The following HMGN5 variants were observed in gnomAD, a reference collection of about 807,000 sequenced individuals.
The protein encoded by HMGN5 is high mobility group nucleosome binding domain 5, also known as high mobility group nucleosome-binding domain-containing protein 5.
HMGN5 carries 4 observed loss-of-function variants against 9.5 expected under a neutral mutation model. The ratio of observed to expected loss-of-function variants is 0.42; its 90% CI spans 0.21 to 0.96. HMGN5 has a LOEUF of 0.96. HMGN5 is among the 40% of genes least tolerant of loss of function. The probability of loss-of-function intolerance (pLI) is 0.30; values close to 1 mark genes in which losing one functional copy is unlikely to be tolerated. For synonymous variants in HMGN5, 55 were observed against 57.1 expected (o/e 0.96, Z 0.16); for missense variants, 192 against 187.5 (o/e 1.02, Z -0.14).
At chrX:81,192,159 C>T (rs373696259) in intron 1 of HMGN5, among the ~76,000 whole-genome samples, 1 of 111,186 alleles carries the variant, frequency 9.0e-6, no homozygotes, top group African/African-American at 3.3e-5. Flanking sequence ...AAAGTACTAT[C>T]CTTTTTATAT....
intron 1 of HMGN5, among the ~76,000 whole-genome samples, chrX:81,182,317 G>A (rs2100051445): frequency 8.9e-6 from 1 of 112,025 alleles, no homozygotes; most frequent in Non-Finnish European, 1.9e-5. Flanking sequence ...CTACAGAACT[G>A]TTTGAGCTCC....
intron 1 of HMGN5, among the ~76,000 whole-genome samples, chrX:81,181,294 T>A (rs1452812852): frequency 9.0e-6 from 1 of 111,446 alleles, no homozygotes; most frequent in Non-Finnish European, 1.9e-5. Context: ...ATTTTTAAAT[T>A]TTTTGGTTTT....
chrX:81,201,187 C>CCGT (rs2075525769), intron 1 of HMGN5, among the ~76,000 whole-genome samples: 1 of 109,201 alleles, frequency 9.2e-6, no homozygotes, highest in Non-Finnish European at 1.9e-5. Context: ...GCGACTGACT[C>CCGT]CTCTCCACTC....
At chrX:81,124,222 C>A (rs2075276848) in intron 1 of HMGN5, among the ~76,000 whole-genome samples, 1 of 112,400 alleles carries the variant, frequency 8.9e-6, no homozygotes, top group Non-Finnish European at 1.9e-5. Flanking sequence ...GTGAAACATT[C>A]TTCTGTTTCT....
chrX:81,161,127 C>G (rs751984036), intron 1 of HMGN5, among the ~76,000 whole-genome samples: 1 of 110,402 alleles, frequency 9.1e-6, no homozygotes, highest in Non-Finnish European at 1.9e-5. Flanking sequence ...TGAATTGCCC[C>G]AAGAATATTG....
At chrX:81,139,642 C>G (rs1226434823) in intron 1 of HMGN5, among the ~76,000 whole-genome samples, 1 of 111,810 alleles carries the variant, frequency 8.9e-6, no homozygotes, top group African/African-American at 3.2e-5. Context: ...TCTGCCACTA[C>G]CCCAGCAGAA....
At chrX:81,184,198 T>C (rs1018133952) in intron 1 of HMGN5, among the ~76,000 whole-genome samples, 2 of 111,822 alleles carry the variant, frequency 1.8e-5, no homozygotes, top group African/African-American at 6.5e-5. Flanking sequence ...CAGTTTCTCA[T>C]GGTTTAATAC....
At chrX:81,167,104 C>T (rs2075413203) in intron 1 of HMGN5, among the ~76,000 whole-genome samples, 1 of 111,371 alleles carries the variant, frequency 9.0e-6, no homozygotes, top group Admixed American at 9.6e-5. Context: ...GTGCATATGT[C>T]ATCTCAAGTG....
Position 81,121,676 on chromosome X carries a change from G to GA in HMGN5, c.-123-5dup, listed in dbSNP as rs60170251. The stretch of plus-strand genomic sequence containing the variant: ...GCAGCACGACCTGTACTCTCCTCTG[G>GA]AAAAAAAAAAAATCCCTCGTTATTG... On this transcript the variant is annotated splice_region_variant and splice_polypyrimidine_tract_variant and intron_variant, in intron 1 of 6. Coordinates refer to ENST00000358130, the MANE Select transcript of HMGN5 (RefSeq NM_030763.3). 0.035 allele frequency: 10,799 copies of GA among 306,692 alleles called. 2 individuals are homozygous for GA. The highest frequency in any genetic ancestry group is 0.043 in the East Asian group (685 of 15,976). 25.3% of individuals were successfully genotyped at this position (306,692 alleles called of 1,213,427 possible). A position where few individuals can be genotyped will look rare whatever the true frequency, so the allele number is the denominator to read the frequency against.
intron 1 of HMGN5, among the ~76,000 whole-genome samples, chrX:81,137,137 G>A (rs990948292): frequency 9.0e-6 from 1 of 110,821 alleles, no homozygotes; most frequent in African/African-American, 3.3e-5. Flanking sequence ...TGTATAGTTG[G>A]GGACTTTCAC....
At chrX:81,180,001 T>G (rs1336161291) in intron 1 of HMGN5, among the ~76,000 whole-genome samples, 1 of 111,840 alleles carries the variant, frequency 8.9e-6, no homozygotes, top group Admixed American at 9.5e-5. Flanking sequence ...GCTAGCCATA[T>G]GTAGAAAGCT....
chrX:81,168,919 C>T (rs5959832), intron 1 of HMGN5, among the ~76,000 whole-genome samples: 2,136 of 111,124 alleles, frequency 0.019, 48 homozygotes, highest in African/African-American at 0.066. Flanking sequence ...CCATGGGAAA[C>T]AGAGACACTA....
At position 81,114,684 on chromosome X, in the gene HMGN5, C is replaced by A; in HGVS notation, c.814G>T (p.Asp272Tyr). 1 of 1,140,538 alleles carries A rather than the reference C, an allele frequency of 8.8e-7. No homozygotes were observed. The highest frequency in any genetic ancestry group is 1.2e-6 in the Non-Finnish European group (1 of 864,115). 94.0% of individuals were successfully genotyped at this position (1,140,538 alleles called of 1,213,427 possible). A position where few individuals can be genotyped will look rare whatever the true frequency, so the allele number is the denominator to read the frequency against. ...GKEEDEIKED[D>Y]GKKEEPQSIV ...CTCTGTGGCTCCTCTTTTTTTCCAT[C>A]ATCTTCTTTGATCTCATCTTCCTCT... Residue 272 changes from aspartate to tyrosine, a missense_variant, in exon 7 of 7, where the codon GAT (aspartate) becomes TAT (tyrosine). Transcript: ENST00000358130.
At chrX:81,183,076 G>A (rs1478668647) in intron 1 of HMGN5, among the ~76,000 whole-genome samples, 1 of 111,789 alleles carries the variant, frequency 8.9e-6, no homozygotes, top group African/African-American at 3.3e-5. Context: ...AGATGATTTA[G>A]GGTATCTGAT....
chrX:81,116,743 T>C (rs1024477618), intron 5 of HMGN5, among the ~76,000 whole-genome samples: 2 of 111,958 alleles, frequency 1.8e-5, no homozygotes, highest in Non-Finnish European at 3.8e-5. Flanking sequence ...CAGGGTTTTG[T>C]TGATCGTTAC....
At chrX:81,118,406 T>C (rs780313646) in intron 5 of HMGN5, 26 bp downstream of exon 5, 4 of 1,041,792 alleles carry the variant, frequency 3.8e-6, no homozygotes, top group Middle Eastern at 5.3e-4. Context: ...GCAAATTTAT[T>C]TCAATATTCT....
intron 1 of HMGN5, among the ~76,000 whole-genome samples, chrX:81,195,849 C>CTT (rs778661598): frequency 1.8e-4 from 20 of 112,130 alleles, no homozygotes; most frequent in African/African-American, 6.2e-4. Context: ...AATTACATCT[C>CTT]TTAAGTCCGG....
chrX:81,193,187 A>C (rs1487586711), intron 1 of HMGN5, among the ~76,000 whole-genome samples: 1 of 111,503 alleles, frequency 9.0e-6, no homozygotes, highest in African/African-American at 3.3e-5. Flanking sequence ...TTCCAAGATA[A>C]GGTCATAAAA....
chrX:81,158,779 A>G (rs1025565912), intron 1 of HMGN5, among the ~76,000 whole-genome samples: 3 of 112,004 alleles, frequency 2.7e-5, no homozygotes, highest in African/African-American at 9.7e-5. Context: ...ATTTTCTTCT[A>G]GGGTTTTTAT....
Sources: gnomAD v4.1 joint callset for allele counts (sites outside exome capture counted in the v4.1 genomes callset) on GRCh38, gnomAD v4.1.1 for gene constraint, MANE v1.5 for transcripts, NCBI Gene and HGNC (gene_info 2026-07-23, HGNC 2026-07-21) for gene names.